TTC38: variants seen among roughly 807,000 people sequenced by gnomAD.
TTC38 encodes the protein tetratricopeptide repeat protein 38.
A neutral mutation model predicts 64.2 loss-of-function variants in TTC38; 64 were observed. That is an observed-to-expected ratio of 1.00 (90% CI 0.81 to 1.23). The LOEUF is 1.23. Ranked by LOEUF, TTC38 falls within the 50% of genes most tolerant of loss-of-function variation. TTC38 has a pLI of 0.00. For synonymous variants in TTC38, 254 were observed against 249.3 expected, an observed-to-expected ratio of 1.02 and a Z score of -0.18; for missense variants, 573 against 615.5, an observed-to-expected ratio of 0.93 and a Z score of 0.73.
At position 46,281,021 on chromosome 22, in the gene TTC38, C is replaced by T. The variant is rs1378711766; in HGVS notation, c.616-578C>T. On this transcript the variant is annotated intron_variant, in intron 6 of 13. Coordinates refer to ENST00000381031, the MANE Select transcript of TTC38 (RefSeq NM_017931.4). The surrounding 1 kb of genome is among the most constrained non-coding windows in gnomAD (Gnocchi z 5.2). ...CTGCCTCGCTGGTCGCTGTCAAGCT[C>T]ACAGGTCATGGGAGCGGCTGTTGTC... Among the ~76,000 whole-genome samples the T allele has an allele frequency of 1.3e-5, 2 of 152,212 alleles. No homozygotes were observed. The highest frequency in any genetic ancestry group is 6.5e-5 in the Admixed American group (1 of 15,276).
Position 46,292,801 on chromosome 22 carries a change from A to T in TTC38, c.1327A>T (p.Met443Leu). Residue 443 changes from methionine (M) to leucine (L), a missense_variant, in exon 14 of 14, where the codon ATG becomes TTG. Physicochemically the swap from Met to Leu is conservative, Grantham distance 15. This residue lies in a region of TTC38 where 371 missense variants were observed against 381.8 expected (regional missense o/e 0.97). Coordinates refer to ENST00000381031, the MANE Select transcript of TTC38 (RefSeq NM_017931.4). This position sits in a 1 kb window ranked among gnomAD's most constrained non-coding sequence, Gnocchi z 6.5. ...VHKNVARSLL[M>L]ERDALKPNSP... ...TGTCTGTTTCCACAGGAGCCTTCTG[A>T]TGGAGCGTGATGCCTTGAAGCCCAA... 6.2e-7 allele frequency: 1 copy of T among 1,613,810 alleles called. No individual in the cohort carries two copies. Among genetic ancestry groups the T allele is most frequent in the South Asian group, 1.1e-5 (1 of 91,076 alleles).
chr22:46,278,552 T>G, intron 5 of TTC38, 34 bp from the exon 6 acceptor site: 1 of 1,571,248 alleles, frequency 6.4e-7, no homozygotes, highest in Non-Finnish European at 8.8e-7. Flanking sequence ...CCATCCATCA[T>G]TTTGTATTCT....
At chr22:46,289,719 G>T in intron 12 of TTC38, 107 bp from the exon 13 acceptor site, 1 of 1,459,966 alleles carries the variant, frequency 6.8e-7, no homozygotes, top group Non-Finnish European at 9.6e-7. Flanking sequence ...TGAGGGTGTG[G>T]CATCAACACC....
rs1270593058 is a variant in TTC38 at position 46,289,426 on chromosome 22, C to A, written c.1107C>A (p.His369Gln). The A allele has an allele frequency of 9.9e-6, 16 of 1,609,400 alleles. No homozygotes were observed. The highest frequency in any genetic ancestry group is 1.4e-5 in the Non-Finnish European group (16 of 1,179,754). Residue 369 changes from histidine (H) to glutamine (Q), a missense_variant, in exon 12 of 14, where the codon CAC becomes CAA. By Grantham distance (24) the His-to-Gln change is conservative. Transcript: ENST00000381031. ...GATCCCCAGGGGAGAACTGCCAGCA[C>A]CTCCTGGCCCGAGACGTGGGGCTGC... Reference protein sequence around the residue: ...ASESPGENCQHLLARDVGLPL... With the variant: ...ASESPGENCQQLLARDVGLPL...
chr22:46,268,056 C>T lies in TTC38; in HGVS notation c.17C>T (p.Pro6Leu), dbSNP rs1447637055. The change falls in exon 1 of 14, where the codon CCT becomes CTT. Residue 6 changes from proline (P) to leucine (L), a missense_variant. By Grantham distance (98) the Pro-to-Leu change is moderately conservative (BLOSUM62 -3). Around this residue, in one of 3 missense-constraint regions of TTC38, gnomAD observed 134 missense variants for 126.5 expected, o/e 1.06. Coordinates refer to ENST00000381031, the MANE Select transcript of TTC38 (RefSeq NM_017931.4). MAAAS[P>L]LRDCQAWKDA... ...CGGCGCAACATGGCCGCAGCCTCGC[C>T]TCTGCGCGACTGCCAGGTACACGGA... 1 of 1,543,910 alleles carries T rather than the reference C, an allele frequency of 6.5e-7. No homozygotes were observed. The highest frequency in any genetic ancestry group is 1.9e-4 in the Middle Eastern group (1 of 5,324).
chr22:46,291,871 G>A lies in TTC38; in HGVS notation c.1317-920G>A, dbSNP rs966790725. ...GTCGGGAGCCTGAGGCAGGAGAATC[G>A]CTTGAACCTGGGAGGTGGAGGTTGC... On this transcript the variant is annotated intron_variant, in intron 13 of 13. Coordinates refer to ENST00000381031, the MANE Select transcript of TTC38 (RefSeq NM_017931.4). This position sits in a 1 kb window ranked among gnomAD's most constrained non-coding sequence, Gnocchi z 4.6. Among the ~76,000 whole-genome samples the A allele has an allele frequency of 7.9e-5, 12 of 152,166 alleles. No individual in the cohort carries two copies. Among genetic ancestry groups the A allele is most frequent in the East Asian group, 1.9e-4 (1 of 5,196 alleles).
rs148911944 is a variant in TTC38, at chr22:46,292,525, T to A, written c.1317-266T>A. 6.6e-6 allele frequency among the ~76,000 whole-genome samples: 1 copy of A among 152,096 alleles called. No individual in the cohort carries two copies. Among genetic ancestry groups the A allele is most frequent in the Admixed American group, 6.5e-5 (1 of 15,270 alleles). On this transcript the variant is annotated intron_variant, in intron 13 of 13. Coordinates refer to ENST00000381031, the MANE Select transcript of TTC38 (RefSeq NM_017931.4). The surrounding 1 kb of genome is among the most constrained non-coding windows in gnomAD (Gnocchi z 6.5). ...GTCTTTACCTCAAACCGTACCTGGG[T>A]CTTCTCTCTTCAAACCTGGGTTTTC... is the stretch of plus-strand genomic sequence containing the variant.
Position 46,274,109 on chromosome 22 carries a change from C to T in TTC38, c.365+40C>T, listed in dbSNP as rs1340723502. On this transcript the variant is annotated intron_variant, in intron 4 of 13. Transcript: ENST00000381031. This position sits in a 1 kb window ranked among gnomAD's most constrained non-coding sequence, Gnocchi z 4.8. The stretch of plus-strand genomic sequence containing the variant: ...TGGGCTGGGAGCTGGCACCCTGAGG[C>T]TGAGCTGGGGGAGTGGCAGGGTATC... 1 of 1,403,460 alleles carries T rather than the reference C, an allele frequency of 7.1e-7. No homozygotes were observed. Among genetic ancestry groups the T allele is most frequent in the Non-Finnish European group, 9.8e-7 (1 of 1,020,492 alleles). The allele number at this position is 1,403,460 out of a possible 1,614,324, so 86.9% of individuals were successfully genotyped here.
rs73886789 is a variant in TTC38, at chr22:46,281,106, C to T, written c.616-493C>T. Among the ~76,000 whole-genome samples the T allele has an allele frequency of 0.079, 11,996 of 152,232 alleles. 982 individuals carry two copies. Among genetic ancestry groups the T allele is most frequent in the African/African-American group, 0.21 (8,671 of 41,476 alleles). On this transcript the variant is annotated intron_variant, in intron 6 of 13. Coordinates refer to ENST00000381031, the MANE Select transcript of TTC38 (RefSeq NM_017931.4). The surrounding 1 kb of genome is among the most constrained non-coding windows in gnomAD (Gnocchi z 5.2). ...GCACCCAGAAAGCCACGTGTCCTCA[C>T]ATATATGGTAGTGGGAAGAGGCAGT...
rs1302123575 is a variant in TTC38 at position 46,274,579 on chromosome 22, G to A, written c.365+510G>A. On this transcript the variant is annotated intron_variant, in intron 4 of 13. Coordinates refer to ENST00000381031, the MANE Select transcript of TTC38 (RefSeq NM_017931.4). The surrounding 1 kb of genome is among the most constrained non-coding windows in gnomAD (Gnocchi z 4.8). ...CCTGCAGAGTTAGGCGACCCTAGCC[G>A]ATTGTGCAGGGACTCAGGGATTCCG... Among the ~76,000 whole-genome samples, 2 of 152,192 alleles carry A rather than the reference G, an allele frequency of 1.3e-5. No homozygotes were observed. Among genetic ancestry groups the A allele is most frequent in the East Asian group, 1.9e-4 (1 of 5,200 alleles).
Position 46,281,455 on chromosome 22 carries a change from GT to G in TTC38, c.616-140del. 1.1e-6 allele frequency: 1 copy of G among 917,940 alleles called. No homozygotes were observed. The highest frequency in any genetic ancestry group is 1.7e-6 in the Non-Finnish European group (1 of 597,602). The allele number at this position is 917,940 out of a possible 1,614,324, so 56.9% of individuals were successfully genotyped here. ...GCAGGAAGTGGTGCTAATTGTCAGT[GT>G]TTTGAGTCAGAGCCCCGCCCCCCCA... is the stretch of plus-strand genomic sequence containing the variant. On this transcript the variant is annotated intron_variant, in intron 6 of 13. Transcript: ENST00000381031. The surrounding 1 kb of genome is among the most constrained non-coding windows in gnomAD (Gnocchi z 5.2).
In TTC38 at chr22:46,274,279, C is replaced by G. The variant is rs73886786; in HGVS notation, c.365+210C>G. The stretch of plus-strand genomic sequence containing the variant: ...GTGAGGAAGCAGTTGGTGAAGATTC[C>G]CAACTTAGTGTCCAAAGTAACTTGC... On this transcript the variant is annotated intron_variant, in intron 4 of 13. Transcript: ENST00000381031. The surrounding 1 kb of genome is among the most constrained non-coding windows in gnomAD (Gnocchi z 4.8). Among the ~76,000 whole-genome samples, 1,871 of 152,222 alleles carry G rather than the reference C, an allele frequency of 0.012. 38 individuals are homozygous for G. The highest frequency in any genetic ancestry group is 0.043 in the African/African-American group (1,777 of 41,520).
chr22:46,272,222 C>A lies in TTC38; in HGVS notation c.112-113C>A, dbSNP rs1348722885. 2 of 759,372 alleles carry A rather than the reference C, an allele frequency of 2.6e-6. No homozygotes were observed. Among genetic ancestry groups the A allele is most frequent in the Non-Finnish European group, 4.5e-6 (2 of 443,154 alleles). 47.0% of individuals were successfully genotyped at this position (759,372 alleles called of 1,614,324 possible). A position where few individuals can be genotyped will look rare whatever the true frequency, so the allele number is the denominator to read the frequency against. ...GTCAGGCTGGTCTCGAACTCCTGAC[C>A]TCAGATGTTCTGCCCGCCTCGGCCT... On this transcript the variant is annotated intron_variant, in intron 2 of 13. Transcript: ENST00000381031. This position sits in a 1 kb window ranked among gnomAD's most constrained non-coding sequence, Gnocchi z 6.4.
In TTC38 at chr22:46,273,912, A is replaced by G. The variant is rs1655055449; in HGVS notation, c.208A>G (p.Met70Val). The G allele has an allele frequency of 6.2e-7, 1 of 1,614,130 alleles. No homozygotes were observed. Among genetic ancestry groups the G allele is most frequent in the African/African-American group, 1.3e-5 (1 of 74,944 alleles). ...ADPTFVMGHA[M>V]ATGLVLIGTG... ...CCTCCCACCAGTGATGGGCCACGCC[A>G]TGGCTACTGGCCTTGTGCTGATTGG... is the stretch of plus-strand genomic sequence containing the variant. Residue 70 changes from methionine (M) to valine (V), a missense_variant, in exon 4 of 14, where the codon ATG becomes GTG. Physicochemically the swap from Met to Val is conservative, Grantham distance 21. This residue lies in a region of TTC38 where 134 missense variants were observed against 126.5 expected (regional missense o/e 1.06). Transcript: ENST00000381031. The surrounding 1 kb of genome is among the most constrained non-coding windows in gnomAD (Gnocchi z 5.1).
In TTC38 at chr22:46,276,730, TA is replaced by T. The variant is rs779269438; in HGVS notation, c.539+1316del. Among the ~76,000 whole-genome samples, 896 of 131,914 alleles carry T rather than the reference TA, an allele frequency of 6.8e-3. 7 individuals carry two copies. Among genetic ancestry groups the T allele is most frequent in the Non-Finnish European group, 9.5e-3 (621 of 65,386 alleles). The allele number at this position is 131,914 out of a possible 152,430, so 86.5% of individuals were successfully genotyped here. ...ATATATATATTAAAAATATATATATTAAAAAAATATATATAAAATACATATA... is the reference window on the plus strand; with the variant it reads ...ATATATATATTAAAAATATATATATTAAAAAATATATATAAAATACATATA... On this transcript the variant is annotated intron_variant, in intron 5 of 13. Transcript: ENST00000381031. The surrounding 1 kb of genome is among the most constrained non-coding windows in gnomAD (Gnocchi z 4.7).
chr22:46,278,770 G>C lies in TTC38; in HGVS notation c.615+109G>C, dbSNP rs1601873947. ...TGTGACCCCGGCGAACCCCATCCCT[G>C]GTCTCACTTCCTCAGAGAGACTGGG... On this transcript the variant is annotated intron_variant, in intron 6 of 13. Coordinates refer to ENST00000381031, the MANE Select transcript of TTC38 (RefSeq NM_017931.4). 3 of 887,298 alleles carry C rather than the reference G, an allele frequency of 3.4e-6. No individual in the cohort carries two copies. The East Asian group carries it at 7.2e-5, about 21-fold the overall frequency. 55.0% of individuals were successfully genotyped at this position (887,298 alleles called of 1,614,324 possible).
At position 46,286,868 on chromosome 22, in the gene TTC38, G is replaced by A. The variant is rs1021385222; in HGVS notation, c.835-205G>A. The stretch of plus-strand genomic sequence containing the variant: ...GCAATGCAGTGGGCTCTTTCTTCAG[G>A]TCTACCTGGTGACCCCTCTAGTGCT... On this transcript the variant is annotated intron_variant, in intron 9 of 13. Coordinates refer to ENST00000381031, the MANE Select transcript of TTC38 (RefSeq NM_017931.4). Among the ~76,000 whole-genome samples the A allele has an allele frequency of 1.1e-4, 16 of 152,238 alleles. No individual in the cohort carries two copies. The South Asian group carries it at 2.1e-3, about 20-fold the overall frequency.
chr22:46,289,759 G>A (rs2077599725), intron 12 of TTC38, 67 bp from the exon 13 acceptor site: 6 of 1,559,956 alleles, frequency 3.8e-6, no homozygotes, highest in East Asian at 2.2e-5. Context: ...GGCAGCCCGC[G>A]GTGGGCGGGG....
rs768477456 is a variant in TTC38 at position 46,274,026 on chromosome 22, C to T, written c.322C>T (p.Arg108Trp). Residue 108 changes from arginine (R) to tryptophan (W), a missense_variant, in exon 4 of 14, where the codon CGG (arginine) becomes TGG (tryptophan). Arg to Trp is a moderately radical substitution (Grantham distance 101). This residue lies in a region of TTC38 where 68 missense variants were observed against 107.3 expected (regional missense o/e 0.63). Transcript: ENST00000381031. This position sits in a 1 kb window ranked among gnomAD's most constrained non-coding sequence, Gnocchi z 4.8. ...EISRTQPLTR[R>W]EQLHVSAVET... is the part of the protein sequence containing the mutation. ...TTCAAGAACCCAGCCGCTGACAAGG[C>T]GGGAGCAGCTGCACGTGTCTGCAGT... is the stretch of plus-strand genomic sequence containing the variant. 3.5e-5 allele frequency: 56 copies of T among 1,614,004 alleles called. No homozygotes were observed. The highest frequency in any genetic ancestry group is 1.3e-4 in the Admixed American group (8 of 60,000).
Sources: gnomAD v4.1 joint callset for allele counts (sites outside exome capture counted in the v4.1 genomes callset) on GRCh38, gnomAD v4.1.1 for gene constraint, gnomAD v4.1.1 regional missense constraint, Gnocchi (gnomAD v3.1) non-coding constraint, MANE v1.5 for transcripts, NCBI Gene and HGNC (gene_info 2026-07-23, HGNC 2026-07-21) for gene names.